MYO1C: variants seen among roughly 807,000 people sequenced by gnomAD.
The protein encoded by MYO1C is unconventional myosin-Ic.
MYO1C carries 104 observed loss-of-function variants against 150.8 expected under a neutral mutation model. That is an observed-to-expected ratio of 0.69 (90% CI 0.59 to 0.81). The LOEUF (loss-of-function observed/expected upper bound fraction) is 0.81, where lower values mean the gene tolerates loss of function less well. Ranked by LOEUF, MYO1C falls within the 30% of genes least tolerant of loss-of-function variation. The pLI is 0.00. For missense variants in MYO1C, 1,504 were observed against 1,435.0 expected (o/e 1.05, Z -0.78); for synonymous variants, 663 against 579.9 (o/e 1.14, Z -2.06).
chr17:1,492,231 C>T (rs1370932452), intron 1 of MYO1C, among the ~76,000 whole-genome samples, 182 bp downstream of exon 1: 2 of 152,270 alleles, frequency 1.3e-5, no homozygotes, highest in Non-Finnish European at 2.9e-5. Flanking sequence ...AATCCTGCTG[C>T]TAGTGGCCCT....
At chr17:1,485,242 T>G in intron 1 of MYO1C, 3 of 1,160,322 alleles carry the variant, frequency 2.6e-6, no homozygotes, top group Non-Finnish European at 3.2e-6. Context: ...GTCTCAGGGC[T>G]CCAAAAAATG....
In MYO1C at chr17:1,474,621, G is replaced by T; in HGVS notation, c.1786C>A (p.Arg596=). 1 of 1,613,828 alleles carries T rather than the reference G, an allele frequency of 6.2e-7. No individual in the cohort carries two copies. The highest frequency in any genetic ancestry group is 8.5e-7 in the Non-Finnish European group (1 of 1,179,912). The change falls in exon 17 of 32, where the codon CGG becomes AGG. Residue 596 remains arginine, a synonymous_variant. Transcript: ENST00000648651. ...CGCCACCTCCTCACCGTCTCTGGCC[G>T]CTTCTTGTCACTGAGCTCGCTCCGG... ...FDRSELSDKK[R]PETVATQFKM...
rs368905625 is a variant in MYO1C, at chr17:1,469,560, G to C, written c.2581C>G (p.Arg861Gly). 4 of 1,613,098 alleles carry C rather than the reference G, an allele frequency of 2.5e-6. No homozygotes were observed. The change falls in exon 25 of 32, where the codon CGG becomes GGG. Residue 861 changes from arginine to glycine, a missense_variant. Physicochemically the swap from Arg to Gly is moderately radical, Grantham distance 125. Transcript: ENST00000648651. ...TGCTTCCACTCAGGGCTGATACTCC[G>C]GCAGTATTTCCACACCATGTTCTTT... is the stretch of plus-strand genomic sequence containing the variant. ...CIKNMVWKYC[R>G]SISPEWKQQL...
chr17:1,478,806 G>A lies in MYO1C; in HGVS notation c.1093-71C>T. The A allele has an allele frequency of 1.9e-6, 3 of 1,602,490 alleles. No homozygotes were observed. The Admixed American group carries it at 5.0e-5, about 27-fold the overall frequency. ...TGCATCCCACCTGCTCCCAGGCTCA[G>A]GCAGACCAGGAAGCCGCCACCACTC... is the stretch of plus-strand genomic sequence containing the variant. On this transcript the variant is annotated intron_variant, in intron 9 of 31. Coordinates refer to ENST00000648651, the MANE Select transcript of MYO1C (RefSeq NM_001080779.2). The surrounding 1 kb of genome is among the most constrained non-coding windows in gnomAD (Gnocchi z 6.3).
At chr17:1,484,428 G>A (rs1415671530) in intron 1 of MYO1C, 125 bp from the exon 2 acceptor site, 18 of 1,199,160 alleles carry the variant, frequency 1.5e-5, no homozygotes, top group South Asian at 5.2e-5. Context: ...CACGGGACAT[G>A]AGCATGACGG....
chr17:1,478,070 C>G lies in MYO1C; in HGVS notation c.1401+17G>C. On this transcript the variant is annotated intron_variant, in intron 12 of 31. Coordinates refer to ENST00000648651, the MANE Select transcript of MYO1C (RefSeq NM_001080779.2). The surrounding 1 kb of genome is among the most constrained non-coding windows in gnomAD (Gnocchi z 6.3). ...CTCCCCGTGGCCCACGGAGAGTGCC[C>G]CCAGGCTAGCACACACCGCGATGCC... 2 of 1,613,776 alleles carry G rather than the reference C, an allele frequency of 1.2e-6. No homozygotes were observed. The highest frequency in any genetic ancestry group is 1.7e-5 in the Admixed American group (1 of 60,028).
chr17:1,491,529 G>T, intron 1 of MYO1C: 1 of 715,772 alleles, frequency 1.4e-6, no homozygotes, highest in Non-Finnish European at 1.7e-6. Context: ...GTGCACGGCG[G>T]CTCCCGGCCC....
At chr17:1,469,705 G>A (rs532767662) in intron 24 of MYO1C, 91 bp from the exon 25 acceptor site, 2 of 1,042,794 alleles carry the variant, frequency 1.9e-6, no homozygotes, top group Non-Finnish European at 2.9e-6. Flanking sequence ...CTTTGGATAA[G>A]TAACACCCCC....
In MYO1C at chr17:1,483,038, C is replaced by T; in HGVS notation, c.369G>A (p.Val123=). ...GACGCTCCGTGCGCAGTGCTCGGTA[C>T]ACAGTGTCCGCCACGGCAAACCTGG... ...PPHLFAVADT[V]YRALRTERRD... Residue 123 remains valine, a synonymous_variant, in exon 4 of 32, where the codon GTG becomes GTA. Transcript: ENST00000648651. 1 of 1,610,318 alleles carries T rather than the reference C, an allele frequency of 6.2e-7. No individual in the cohort carries two copies. The highest frequency in any genetic ancestry group is 8.5e-7 in the Non-Finnish European group (1 of 1,179,348).
intron 31 of MYO1C, among the ~76,000 whole-genome samples, 194 bp downstream of exon 31, chr17:1,467,048 G>A (rs148347665): frequency 3.3e-4 from 51 of 152,322 alleles, no homozygotes; most frequent in African/African-American, 1.2e-3. Context: ...ATGAGCCACC[G>A]TGCTGCCACC....
At position 1,485,661 on chromosome 17, in the gene MYO1C, C is replaced by T. The variant is rs966390848; in HGVS notation, c.76-1358G>A. On this transcript the variant is annotated intron_variant, in intron 1 of 31. Transcript: ENST00000648651. ...GCGAGGTGGGGAGGGACGCCCGGGA[C>T]CCCCCGCCCTGCCCCGCCGCCCCCA... is the stretch of plus-strand genomic sequence containing the variant. The T allele has an allele frequency of 4.2e-5, 51 of 1,201,916 alleles. No individual in the cohort carries two copies. In the Admixed American group the frequency reaches 1.7e-3, roughly 41 times the overall value. 74.5% of individuals were successfully genotyped at this position (1,201,916 alleles called of 1,614,324 possible). A position where few individuals can be genotyped will look rare whatever the true frequency, so the allele number is the denominator to read the frequency against.
chr17:1,469,277 A>G (rs2074245617), intron 25 of MYO1C: 1 of 529,280 alleles, frequency 1.9e-6, no homozygotes, highest in African/African-American at 1.9e-5. Context: ...TGCGGTAAAT[A>G]GAGTAGACTG....
chr17:1,471,569 G>A (rs568021921), intron 19 of MYO1C, among the ~76,000 whole-genome samples: 2 of 152,182 alleles, frequency 1.3e-5, no homozygotes, highest in East Asian at 1.9e-4. Context: ...CCAGGCCCCC[G>A]ACTCAGAAGA....
rs1306964082 is a variant in MYO1C, at chr17:1,492,658, T to C, written c.-171A>G. 4 of 675,696 alleles carry C rather than the reference T, an allele frequency of 5.9e-6. No individual in the cohort carries two copies. The highest frequency in any genetic ancestry group is 7.9e-6 in the Non-Finnish European group (3 of 378,902). The allele number at this position is 675,696 out of a possible 1,614,324, so 41.9% of individuals were successfully genotyped here. Reference sequence around the variant, plus strand: ...CAGGGGATGTGGCTGGTCCAGCTCCTCAGGACACGGCTGGAGCCGTCCAGG... The same window carrying C: ...CAGGGGATGTGGCTGGTCCAGCTCCCCAGGACACGGCTGGAGCCGTCCAGG... On this transcript the variant is annotated 5_prime_UTR_variant, in exon 1 of 32. Transcript: ENST00000648651.
chr17:1,479,523 C>T lies in MYO1C; in HGVS notation c.1021-21G>A. The T allele has an allele frequency of 6.6e-7, 1 of 1,513,150 alleles. No homozygotes were observed. 93.7% of individuals were successfully genotyped at this position (1,513,150 alleles called of 1,614,324 possible). ...AGGAGCTGCCAAGGGCAGGCGAGGA[C>T]ACGGTGAGGGTGCACCCCCAGCCCC... On this transcript the variant is annotated intron_variant, in intron 8 of 31. Transcript: ENST00000648651. This position sits in a 1 kb window ranked among gnomAD's most constrained non-coding sequence, Gnocchi z 4.2.
rs138912207 is a variant in MYO1C at position 1,478,172 on chromosome 17, T to C, written c.1316A>G (p.Asn439Ser). ...CTGCTGCAGCTTCTCGTTGCAGTAA[T>C]TGATGCAGAACTGCTCAAAGCTGTA... ...QHNSFEQFCI[N>S]YCNEKLQQLF... Residue 439 changes from asparagine to serine, a missense_variant, in exon 12 of 32, where the codon AAT (asparagine) becomes AGT (serine). Transcript: ENST00000648651. The surrounding 1 kb of genome is among the most constrained non-coding windows in gnomAD (Gnocchi z 6.3). 14 of 1,613,790 alleles carry C rather than the reference T, an allele frequency of 8.7e-6. No individual in the cohort carries two copies. In the Admixed American group the frequency reaches 2.3e-4, roughly 27 times the overall value.
chr17:1,478,050 C>T lies in MYO1C; in HGVS notation c.1401+37G>A, dbSNP rs773642191. The T allele has an allele frequency of 4.2e-5, 67 of 1,612,748 alleles. No individual in the cohort carries two copies. The Admixed American group carries it at 9.5e-4, about 23-fold the overall frequency. Reference sequence around the variant, plus strand: ...CAGGGGCCCCGATACCCAGGCTCCCCGTGGCCCACGGAGAGTGCCCCCAGG... The same window carrying T: ...CAGGGGCCCCGATACCCAGGCTCCCTGTGGCCCACGGAGAGTGCCCCCAGG... On this transcript the variant is annotated intron_variant, in intron 12 of 31. Transcript: ENST00000648651. The surrounding 1 kb of genome is among the most constrained non-coding windows in gnomAD (Gnocchi z 6.3).
chr17:1,483,743 G>A lies in MYO1C; in HGVS notation c.232-18C>T, dbSNP rs772423281. On this transcript the variant is annotated intron_variant, in intron 2 of 31. Coordinates refer to ENST00000648651, the MANE Select transcript of MYO1C (RefSeq NM_001080779.2). ...ATGTAGGTCTGGGATCGGGGGAAGAGGGTCCAAAGTTTATCCCGGGCCAGG... is the reference window on the plus strand; with the variant it reads ...ATGTAGGTCTGGGATCGGGGGAAGAAGGTCCAAAGTTTATCCCGGGCCAGG... The A allele has an allele frequency of 6.9e-6, 11 of 1,584,200 alleles. No individual in the cohort carries two copies. The Admixed American group carries it at 1.2e-4, about 18-fold the overall frequency.
In MYO1C at chr17:1,479,544, G is replaced by GCCCCCCCCCC; in HGVS notation, c.1021-43_1021-42insGGGGGGGGGG. 95 of 1,175,030 alleles carry GCCCCCCCCCC rather than the reference G, an allele frequency of 8.1e-5. No individual in the cohort carries two copies. The highest frequency in any genetic ancestry group is 1.0e-4 in the Non-Finnish European group (84 of 804,076). The allele number at this position is 1,175,030 out of a possible 1,614,324, so 72.8% of individuals were successfully genotyped here. On this transcript the variant is annotated intron_variant, in intron 8 of 31. Transcript: ENST00000648651. The surrounding 1 kb of genome is among the most constrained non-coding windows in gnomAD (Gnocchi z 4.2). ...AGGACACGGTGAGGGTGCACCCCCAGCCCCCGCCCCCGCCGTCCTCCCGTC... is the reference window on the plus strand; with the variant it reads ...AGGACACGGTGAGGGTGCACCCCCAGCCCCCCCCCCCCCCCGCCCCCGCCGTCCTCCCGTC...
Sources: gnomAD v4.1 joint callset for allele counts (sites outside exome capture counted in the v4.1 genomes callset) on GRCh38, gnomAD v4.1.1 for gene constraint, Gnocchi (gnomAD v3.1) non-coding constraint, MANE v1.5 for transcripts, NCBI Gene and HGNC (gene_info 2026-07-23, HGNC 2026-07-21) for gene names.